Variants in FBXW4 observed in about 807,000 individuals in gnomAD.
FBXW4 encodes the protein F-box and WD repeat domain containing 4, also known as F-box/WD repeat-containing protein 4.
In FBXW4, 40 loss-of-function variants were observed where a neutral mutation model predicts 61.8. That is an observed-to-expected ratio of 0.65 (90% CI 0.50 to 0.84). FBXW4 has a LOEUF of 0.84. Among genes scored for constraint, FBXW4 ranks in the 40% least tolerant of loss-of-function variants. FBXW4 has a pLI of 0.00. For missense variants in FBXW4, 672 were observed against 753.8 expected (o/e 0.89, Z 1.27); for synonymous variants, 311 against 313.8 (o/e 0.99, Z 0.10).
Position 101,611,631 on chromosome 10 carries a change from C to T in FBXW4, c.1581G>A (p.Leu527=). 2 of 1,614,066 alleles carry T rather than the reference C, an allele frequency of 1.2e-6. 1 individual carries two copies. The highest frequency in any genetic ancestry group is 1.7e-6 in the Non-Finnish European group (2 of 1,179,932). ...RLWDRRQRAC[L]HAFPLTSTPL... ...AAGAGGTGGGCAGGACACTTACGTGCAGGCAGGCCCTTTGACGCCGGTCCC... is the reference window on the plus strand; with the variant it reads ...AAGAGGTGGGCAGGACACTTACGTGTAGGCAGGCCCTTTGACGCCGGTCCC... Residue 527 remains leucine, a synonymous_variant, in exon 8 of 9, where the codon CTG becomes CTA. Coordinates refer to ENST00000331272, the MANE Select transcript of FBXW4 (RefSeq NM_022039.4). The surrounding 1 kb of genome is among the most constrained non-coding windows in gnomAD (Gnocchi z 4.9).
chr10:101,653,313 A>G (rs2064159421), intron 5 of FBXW4, among the ~76,000 whole-genome samples: 1 of 152,206 alleles, frequency 6.6e-6, no homozygotes, highest in Non-Finnish European at 1.5e-5. Context: ...ATGCTGTAGC[A>G]CAACATAAAC....
At chr10:101,621,219 T>C (rs1371805999) in intron 6 of FBXW4, among the ~76,000 whole-genome samples, 1 of 152,210 alleles carries the variant, frequency 6.6e-6, no homozygotes, top group Non-Finnish European at 1.5e-5. Flanking sequence ...AAGACACGGA[T>C]ATTTTAAGAA....
intron 5 of FBXW4, among the ~76,000 whole-genome samples, chr10:101,661,805 CT>C: frequency 6.6e-6 from 1 of 152,302 alleles, no homozygotes; most frequent in African/African-American, 2.4e-5. Context: ...CACTCTGCCC[CT>C]GACCCTGGGA....
At chr10:101,636,778 G>A (rs1011200288) in intron 5 of FBXW4, among the ~76,000 whole-genome samples, 2 of 151,768 alleles carry the variant, frequency 1.3e-5, no homozygotes, top group African/African-American at 2.4e-5. Flanking sequence ...TAGTAGAGAC[G>A]GGGTTTCACC....
intron 6 of FBXW4, among the ~76,000 whole-genome samples, chr10:101,614,131 G>A (rs2063809315): frequency 6.6e-6 from 1 of 152,234 alleles, no homozygotes; most frequent in Non-Finnish European, 1.5e-5. Flanking sequence ...GTGCATGCTG[G>A]GTAGGGGCTG....
chr10:101,676,435 T>G lies in FBXW4; in HGVS notation c.727A>C (p.Met243Leu). The change falls in exon 2 of 9, where the codon ATG (methionine) becomes CTG (leucine). Residue 243 changes from methionine to leucine, a missense_variant and splice_region_variant. Around this residue, in one of 5 missense-constraint regions of FBXW4, gnomAD observed 311 missense variants for 301.1 expected, o/e 1.03. Coordinates refer to ENST00000331272, the MANE Select transcript of FBXW4 (RefSeq NM_022039.4). ...SGFTRLGTDL[M>L]TSVPVKERVK... ...CGTTCCTTCACTGGGACACTGGTCATCCTATGTCCAGACAGAACAGATAAT... is the reference window on the plus strand; with the variant it reads ...CGTTCCTTCACTGGGACACTGGTCAGCCTATGTCCAGACAGAACAGATAAT... 1 of 1,611,720 alleles carries G rather than the reference T, an allele frequency of 6.2e-7. No individual in the cohort carries two copies. The highest frequency in any genetic ancestry group is 1.1e-5 in the South Asian group (1 of 90,870).
At chr10:101,687,042 T>C (rs2064541266) in intron 1 of FBXW4, among the ~76,000 whole-genome samples, 1 of 152,188 alleles carries the variant, frequency 6.6e-6, no homozygotes, top group Non-Finnish European at 1.5e-5. Flanking sequence ...TATTTCCTTT[T>C]CTTTAAGGAG....
intron 5 of FBXW4, among the ~76,000 whole-genome samples, chr10:101,630,338 C>T (rs573525498): frequency 3.9e-5 from 6 of 152,260 alleles, no homozygotes; most frequent in South Asian, 2.1e-4. Flanking sequence ...GCTCCCGAAC[C>T]GCCCTGCTTG....
At chr10:101,652,174 C>A (rs2064150993) in intron 5 of FBXW4, among the ~76,000 whole-genome samples, 1 of 151,956 alleles carries the variant, frequency 6.6e-6, no homozygotes. Flanking sequence ...TGTGGAATTA[C>A]TACCCCCAAA....
At chr10:101,636,588 CTTT>C (rs148076154) in intron 5 of FBXW4, among the ~76,000 whole-genome samples, 3 of 143,640 alleles carry the variant, frequency 2.1e-5, no homozygotes, top group Non-Finnish European at 3.0e-5. Context: ...TGATTACTAT[CTTT>C]TTTTTTTTTT....
At chr10:101,691,280 C>T (rs2064598516) in intron 1 of FBXW4, among the ~76,000 whole-genome samples, 1 of 152,194 alleles carries the variant, frequency 6.6e-6, no homozygotes, top group East Asian at 1.9e-4. Flanking sequence ...GGGATGACAA[C>T]CACCTCTCTC....
chr10:101,648,112 C>G (rs1156762173), intron 5 of FBXW4, among the ~76,000 whole-genome samples: 1 of 152,198 alleles, frequency 6.6e-6, no homozygotes, highest in African/African-American at 2.4e-5. Context: ...GGTCTACCAA[C>G]CAGAAGAAGA....
chr10:101,680,343 T>TTA (rs1408523413), intron 1 of FBXW4, among the ~76,000 whole-genome samples: 1 of 152,150 alleles, frequency 6.6e-6, no homozygotes, highest in East Asian at 1.9e-4. Flanking sequence ...AATGTATCAA[T>TTA]TATAAAGTAT....
chr10:101,641,968 A>T (rs976090010), intron 5 of FBXW4, among the ~76,000 whole-genome samples: 2 of 151,778 alleles, frequency 1.3e-5, no homozygotes, highest in Admixed American at 6.6e-5. Context: ...GGAGTTTGAG[A>T]CCAGCCTTAT....
chr10:101,674,971 C>G (rs1564923386), intron 2 of FBXW4, among the ~76,000 whole-genome samples: 2 of 152,200 alleles, frequency 1.3e-5, no homozygotes, highest in Admixed American at 6.5e-5. Flanking sequence ...ACAGCTGACT[C>G]ATCCCCAAGA....
intron 2 of FBXW4, 31 bp from the exon 3 acceptor site, chr10:101,673,704 C>CAAGATAAAA (rs1330122497): frequency 6.2e-7 from 1 of 1,601,332 alleles, no homozygotes; most frequent in Admixed American, 1.7e-5. Context: ...ATTTAAAAGT[C>CAAGATAAAA]ATCAAGATAC....
intron 5 of FBXW4, among the ~76,000 whole-genome samples, chr10:101,637,949 A>G (rs1429033395): frequency 1.3e-5 from 2 of 152,148 alleles, no homozygotes; most frequent in Non-Finnish European, 2.9e-5. Context: ...ATTTTTCAAA[A>G]AACGGATATT....
At chr10:101,615,203 A>C (rs1383040339) in intron 6 of FBXW4, among the ~76,000 whole-genome samples, 2 of 152,106 alleles carry the variant, frequency 1.3e-5, no homozygotes, top group Non-Finnish European at 2.9e-5. Context: ...GGGGGTGCAG[A>C]GCCTTGGCTG....
At chr10:101,642,491 G>A (rs914024005) in intron 5 of FBXW4, among the ~76,000 whole-genome samples, 3 of 151,642 alleles carry the variant, frequency 2.0e-5, no homozygotes, top group African/African-American at 7.3e-5. Context: ...CTGCCACAGT[G>A]AGCTGCCCCT....
Sources: gnomAD v4.1 joint callset for allele counts (sites outside exome capture counted in the v4.1 genomes callset) on GRCh38, gnomAD v4.1.1 for gene constraint, gnomAD v4.1.1 regional missense constraint, Gnocchi (gnomAD v3.1) non-coding constraint, MANE v1.5 for transcripts, NCBI Gene and HGNC (gene_info 2026-07-23, HGNC 2026-07-21) for gene names.